Variants in SPAG16 observed in about 807,000 individuals in gnomAD.
SPAG16 encodes the protein sperm-associated antigen 16 protein.
Under a neutral mutation model 80.4 loss-of-function variants are expected in SPAG16, and 86 were observed. The ratio of observed to expected loss-of-function variants is 1.07; its 90% CI spans 0.90 to 1.28. SPAG16 has a LOEUF of 1.28. Among genes scored for constraint, SPAG16 ranks in the 50% most tolerant of loss-of-function variants. SPAG16 has a pLI of 0.00. For synonymous variants in SPAG16, 294 were observed against 265.9 expected (o/e 1.11, Z -1.03); for missense variants, 870 against 765.3 (o/e 1.14, Z -1.61).
At chr2:213,537,750 T>A (rs961034711) in intron 10 of SPAG16, among the ~76,000 whole-genome samples, 1 of 152,198 alleles carries the variant, frequency 6.6e-6, no homozygotes, top group Admixed American at 6.5e-5. Context: ...TGCTTCTTGG[T>A]TTTACAGTCT....
chr2:213,804,723 A>AACTG (rs2071653405), intron 10 of SPAG16, among the ~76,000 whole-genome samples: 1 of 145,370 alleles, frequency 6.9e-6, no homozygotes, highest in South Asian at 2.1e-4. Context: ...CTAACTAACT[A>AACTG]ACTAACTAAG....
At chr2:213,927,591 A>G (rs1323472712) in intron 11 of SPAG16, among the ~76,000 whole-genome samples, 1 of 152,208 alleles carries the variant, frequency 6.6e-6, no homozygotes, top group Non-Finnish European at 1.5e-5. Context: ...CTCTGACTCT[A>G]TATATTAAAA....
intron 10 of SPAG16, among the ~76,000 whole-genome samples, chr2:213,777,237 ATTTTTTTTTTTTTTT>A (rs59548915): frequency 2.4e-5 from 2 of 82,702 alleles, no homozygotes; most frequent in Admixed American, 1.7e-4. Context: ...GTTTGTAGGA[ATTTTTTTTTTTTTTT>A]TTTTTTTTTT....
chr2:214,129,894 A>G (rs1266442383), intron 14 of SPAG16, among the ~76,000 whole-genome samples: 3 of 152,130 alleles, frequency 2.0e-5, no homozygotes, highest in African/African-American at 7.2e-5. Flanking sequence ...GTTTTTCTGA[A>G]CTCTGAAAGA....
At chr2:213,916,311 C>A (rs1302234130) in intron 11 of SPAG16, among the ~76,000 whole-genome samples, 2 of 152,160 alleles carry the variant, frequency 1.3e-5, no homozygotes, top group Admixed American at 1.3e-4. Flanking sequence ...GGAAGGGATC[C>A]AGTTTCACTT....
rs553220235 is a variant in SPAG16, at chr2:213,373,577, T to A, written c.833-1433T>A. On this transcript the variant is annotated intron_variant, in intron 8 of 15. Transcript: ENST00000331683. ...CATATTTGTTTGTTTACTTGCTTTT[T>A]AATTTTATTTCTTTGATGAAGTGGC... Among the ~76,000 whole-genome samples, 20 of 152,346 alleles carry A rather than the reference T, an allele frequency of 1.3e-4. No homozygotes were observed. The South Asian group carries it at 3.5e-3, about 27-fold the overall frequency.
chr2:213,866,059 G>A (rs2075668565), intron 11 of SPAG16, among the ~76,000 whole-genome samples: 1 of 151,228 alleles, frequency 6.6e-6, no homozygotes, highest in Admixed American at 6.6e-5. Context: ...AAGAAACTGA[G>A]TTTTAAAGTT....
At chr2:213,879,397 G>GTATATATATATATATATA (rs1366882514) in intron 11 of SPAG16, among the ~76,000 whole-genome samples, 7 of 150,818 alleles carry the variant, frequency 4.6e-5, no homozygotes, top group South Asian at 2.1e-4. Context: ...GTGTGTGTGT[G>GTATATATATATATATATA]TATATACATA....
intron 10 of SPAG16, among the ~76,000 whole-genome samples, chr2:213,621,515 C>T (rs950926361): frequency 1.3e-5 from 2 of 151,380 alleles, no homozygotes; most frequent in South Asian, 2.1e-4. Context: ...TTTCAGGAGG[C>T]GAAATATTGA....
chr2:213,783,068 C>A (rs1056966838), intron 10 of SPAG16, among the ~76,000 whole-genome samples: 1 of 129,992 alleles, frequency 7.7e-6, no homozygotes, highest in Non-Finnish European at 1.6e-5. Context: ...CCACCACAGT[C>A]CCCAGAGTGT....
intron 9 of SPAG16, among the ~76,000 whole-genome samples, chr2:213,417,677 C>G (rs942535017): frequency 2.0e-5 from 3 of 151,938 alleles, no homozygotes; most frequent in Non-Finnish European, 2.9e-5. Context: ...TAAGGCATAA[C>G]GAAGAAACTA....
chr2:213,837,933 G>A (rs1308615751), intron 10 of SPAG16, among the ~76,000 whole-genome samples: 3 of 152,158 alleles, frequency 2.0e-5, no homozygotes, highest in Non-Finnish European at 4.4e-5. Context: ...CATGAGCCAA[G>A]AAATGTAGTT....
At chr2:214,381,383 T>C (rs1427503686) in intron 15 of SPAG16, among the ~76,000 whole-genome samples, 3 of 152,212 alleles carry the variant, frequency 2.0e-5, no homozygotes, top group Admixed American at 1.3e-4. Context: ...GCAAGTTCTT[T>C]CTGCATAGAG....
At chr2:213,969,898 C>T (rs888914439) in intron 12 of SPAG16, among the ~76,000 whole-genome samples, 3 of 152,162 alleles carry the variant, frequency 2.0e-5, no homozygotes, top group East Asian at 1.9e-4. Flanking sequence ...TGTCTCACTC[C>T]GTTTGGGCTA....
chr2:214,012,815 G>C (rs1214280293), intron 12 of SPAG16, among the ~76,000 whole-genome samples: 1 of 152,154 alleles, frequency 6.6e-6, no homozygotes, highest in Non-Finnish European at 1.5e-5. Context: ...AAAAAACACA[G>C]CTGCAGTTAT....
chr2:214,101,215 A>C (rs919059018), intron 13 of SPAG16, among the ~76,000 whole-genome samples: 3 of 152,064 alleles, frequency 2.0e-5, no homozygotes, highest in Non-Finnish European at 2.9e-5. Flanking sequence ...TGAGGGAACA[A>C]GCTTAATCTT....
At chr2:213,562,339 T>A (rs1459352577) in intron 10 of SPAG16, among the ~76,000 whole-genome samples, 5 of 152,210 alleles carry the variant, frequency 3.3e-5, no homozygotes, top group Non-Finnish European at 5.9e-5. Context: ...TTCTGAAGAC[T>A]CTGATCTTTA....
At chr2:214,087,534 G>A (rs2051853897) in intron 13 of SPAG16, among the ~76,000 whole-genome samples, 1 of 152,112 alleles carries the variant, frequency 6.6e-6, no homozygotes, top group South Asian at 2.1e-4. Flanking sequence ...GATGTCACAT[G>A]ATAATAAATG....
intron 11 of SPAG16, among the ~76,000 whole-genome samples, chr2:213,885,484 T>C (rs889844662): frequency 3.3e-5 from 5 of 152,208 alleles, no homozygotes; most frequent in Non-Finnish European, 5.9e-5. Flanking sequence ...ATTTATCATA[T>C]CTACTAGTTT....
Sources: allele counts gnomAD v4.1 joint callset (sites outside exome capture counted in the v4.1 genomes callset), GRCh38; gene constraint gnomAD v4.1.1; transcripts MANE v1.5; gene names NCBI Gene and HGNC (gene_info 2026-07-23, HGNC 2026-07-21).